Variants in SOX6 observed in about 807,000 individuals in gnomAD.
The protein encoded by SOX6 is transcription factor SOX-6.
In SOX6, 11 loss-of-function variants were observed where a neutral mutation model predicts 97.8. The observed-to-expected ratio is 0.11, with a 90% CI of 0.07 to 0.19. The LOEUF (loss-of-function observed/expected upper bound fraction) is 0.19, where lower values mean the gene tolerates loss of function less well. SOX6 is among the 10% of genes least tolerant of loss of function. The pLI is 1.00. For synonymous variants in SOX6, 360 were observed against 371.4 expected, an observed-to-expected ratio of 0.97 and a Z score of 0.35; for missense variants, 810 against 1,039.5, an observed-to-expected ratio of 0.78 and a Z score of 3.04.
chr11:16,246,819 G>A lies in SOX6; in HGVS notation c.446-12148C>T, dbSNP rs141945624. Among the ~76,000 whole-genome samples the A allele has an allele frequency of 1.4e-4, 22 of 152,096 alleles. No individual in the cohort carries two copies. The East Asian group carries it at 4.2e-3, about 29-fold the overall frequency. The stretch of plus-strand genomic sequence containing the variant: ...GTTGTATATATTTACAGGTACATGT[G>A]ATGTTTTGATACAAGCATGCAATGT... On this transcript the variant is annotated intron_variant, in intron 3 of 15. Coordinates refer to ENST00000683767, the MANE Select transcript of SOX6 (RefSeq NM_001367873.1).
intron 4 of SOX6, among the ~76,000 whole-genome samples, chr11:16,537,162 C>T (rs1043224676): frequency 1.3e-5 from 2 of 152,196 alleles, no homozygotes; most frequent in African/African-American, 2.4e-5. Context: ...CTGCACCCAC[C>T]GTTGGTGATA....
At chr11:16,546,351 T>C (rs1847620332) in intron 4 of SOX6, among the ~76,000 whole-genome samples, 1 of 152,096 alleles carries the variant, frequency 6.6e-6, no homozygotes, top group Non-Finnish European at 1.5e-5. Flanking sequence ...ATTCAAAATA[T>C]TTAACATATA....
intron 2 of SOX6, among the ~76,000 whole-genome samples, chr11:16,726,202 A>G (rs549722409): frequency 2.0e-5 from 3 of 152,298 alleles, no homozygotes; most frequent in Admixed American, 2.0e-4. Context: ...TGAGGTTGGG[A>G]GTTCAAGACC....
Position 16,011,541 on chromosome 11 carries a change from C to T in SOX6, c.1732+3401G>A, listed in dbSNP as rs530320536. On this transcript the variant is annotated intron_variant, in intron 13 of 15. Coordinates refer to ENST00000683767, the MANE Select transcript of SOX6 (RefSeq NM_001367873.1). ...ATATGATTTTGATGAGTGGTTAATA[C>T]ACATCCACAGCTGCCTCTTTTGGTG... Among the ~76,000 whole-genome samples, 6 of 152,192 alleles carry T rather than the reference C, an allele frequency of 3.9e-5. No homozygotes were observed. The South Asian group carries it at 6.2e-4, about 16-fold the overall frequency.
At chr11:16,536,458 G>A (rs1243658558) in intron 4 of SOX6, among the ~76,000 whole-genome samples, 1 of 152,288 alleles carries the variant, frequency 6.6e-6, no homozygotes, top group East Asian at 1.9e-4. Flanking sequence ...TGGTTGGACA[G>A]TGGGTGCAGC....
intron 1 of SOX6, among the ~76,000 whole-genome samples, chr11:16,413,747 C>T (rs1300619275): frequency 1.3e-5 from 2 of 151,752 alleles, no homozygotes; most frequent in East Asian, 3.9e-4. Context: ...TCTCAAACTC[C>T]TGACCTCAGG....
At chr11:16,612,177 A>T (rs1848406020) in exon 4 of SOX6, 1 of 152,294 alleles carries the variant, frequency 6.6e-6, no homozygotes, top group Admixed American at 6.6e-5. Flanking sequence ...TGGGAGTGCC[A>T]GTCTGCGTAC....
chr11:16,094,327 G>A (rs1673653231), intron 9 of SOX6, among the ~76,000 whole-genome samples: 2 of 151,578 alleles, frequency 1.3e-5, no homozygotes, highest in Non-Finnish European at 2.9e-5. Flanking sequence ...GTGGGGGGTG[G>A]GAGAGAAGCC....
intron 3 of SOX6, among the ~76,000 whole-genome samples, chr11:16,310,446 A>G (rs2134288698): frequency 6.6e-6 from 1 of 152,222 alleles, no homozygotes; most frequent in Non-Finnish European, 1.5e-5. Flanking sequence ...TTCAGAAAAT[A>G]CTTGTTTATT....
chr11:16,612,466 C>T (rs1396983739), intron 3 of SOX6, among the ~76,000 whole-genome samples: 1 of 151,464 alleles, frequency 6.6e-6, no homozygotes, highest in Non-Finnish European at 1.5e-5. Context: ...TAAACTCATC[C>T]GTAAATAAAG....
chr11:16,048,465 AG>A (rs1290291122), intron 11 of SOX6, among the ~76,000 whole-genome samples: 9 of 152,190 alleles, frequency 5.9e-5, no homozygotes, highest in Admixed American at 5.9e-4. Context: ...GTTTACAAAA[AG>A]AACACTTGAG....
At chr11:16,192,403 C>A (rs776497182) in intron 4 of SOX6, among the ~76,000 whole-genome samples, 1 of 151,816 alleles carries the variant, frequency 6.6e-6, no homozygotes, top group African/African-American at 2.4e-5. Flanking sequence ...CCATTGAATT[C>A]TTTACCAGTT....
intron 5 of SOX6, among the ~76,000 whole-genome samples, chr11:16,184,454 A>C (rs1042814109): frequency 6.6e-6 from 1 of 152,170 alleles, no homozygotes; most frequent in Non-Finnish European, 1.5e-5. Flanking sequence ...GACACAGCAA[A>C]AAGTAAAAAA....
intron 3 of SOX6, chr11:16,270,143 A>T (rs530117008): frequency 1.3e-5 from 2 of 151,330 alleles, no homozygotes; most frequent in Non-Finnish European, 1.5e-5. Flanking sequence ...ACAACTTGAC[A>T]ACCAAAAGAC....
chr11:16,114,944 A>T (rs554719668), intron 6 of SOX6, among the ~76,000 whole-genome samples: 1 of 152,322 alleles, frequency 6.6e-6, no homozygotes, highest in Admixed American at 6.5e-5. Context: ...TTCCATCTTC[A>T]TGAGATAACT....
chr11:16,291,126 G>A (rs1411280199), intron 3 of SOX6, among the ~76,000 whole-genome samples: 4 of 151,574 alleles, frequency 2.6e-5, no homozygotes, highest in African/African-American at 7.3e-5. Context: ...TAGTAAATGG[G>A]GTTCACTACT....
At chr11:16,328,488 T>C (rs1201823392) in intron 2 of SOX6, among the ~76,000 whole-genome samples, 1 of 152,212 alleles carries the variant, frequency 6.6e-6, no homozygotes. Context: ...CTCCCACCAC[T>C]AACTATACCC....
chr11:16,159,360 A>G (rs571333684), intron 6 of SOX6, among the ~76,000 whole-genome samples: 2 of 152,182 alleles, frequency 1.3e-5, no homozygotes, highest in South Asian at 4.1e-4. Context: ...TATCTTTTCT[A>G]CCTACCTTAT....
intron 3 of SOX6, among the ~76,000 whole-genome samples, chr11:16,265,683 A>G (rs989881523): frequency 1.6e-4 from 25 of 151,908 alleles, no homozygotes; most frequent in African/African-American, 6.0e-4. Context: ...TTAAAACTAT[A>G]TTTTTTACAT....
Sources: gnomAD v4.1 joint callset for allele counts (sites outside exome capture counted in the v4.1 genomes callset) on GRCh38, gnomAD v4.1.1 for gene constraint, MANE v1.5 for transcripts, NCBI Gene and HGNC (gene_info 2026-07-23, HGNC 2026-07-21) for gene names.